Variants in AIG1 observed in about 807,000 individuals in gnomAD.
The protein encoded by AIG1 is androgen induced 1.
Under a neutral mutation model 31.4 loss-of-function variants are expected in AIG1, and 23 were observed. That is an observed-to-expected ratio of 0.73 (90% CI 0.53 to 1.04). The LOEUF is 1.04. Ranked by LOEUF, AIG1 falls within the 50% of genes least tolerant of loss-of-function variation. The pLI is 0.00. For missense variants in AIG1, 274 were observed against 295.0 expected (o/e 0.93, Z 0.52); for synonymous variants, 100 against 110.5 (o/e 0.90, Z 0.60).
rs1165574557 is a variant in AIG1, at chr6:143,120,165, C to T, written c.142-16670C>T. Among the ~76,000 whole-genome samples the T allele has an allele frequency of 2.6e-5, 4 of 152,274 alleles. No individual in the cohort carries two copies. The East Asian group carries it at 7.8e-4, about 30-fold the overall frequency. On this transcript the variant is annotated intron_variant, in intron 1 of 5. Transcript: ENST00000357847. ...GTCAGGCTGATCTCGAACTCCCGAT[C>T]TCAGGTGATCTGCCTGCCTTGGCCT... is the stretch of plus-strand genomic sequence containing the variant.
chr6:143,275,707 C>T (rs746805604), intron 3 of AIG1, among the ~76,000 whole-genome samples: 12 of 152,092 alleles, frequency 7.9e-5, no homozygotes, highest in Non-Finnish European at 1.6e-4. Context: ...GAGATCTTTC[C>T]TTGACATAAC....
At position 143,339,667 on chromosome 6, in the gene AIG1, A is replaced by G; in HGVS notation, c.708A>G (p.Lys236=). The part of the protein sequence containing the change: ...KSMEEEKEKP[K]LE ...TGGAAGAAGAGAAAGAAAAGCCTAAATTGGAATGAGATCCAAGTCTAAACG... is the reference window on the plus strand; with the variant it reads ...TGGAAGAAGAGAAAGAAAAGCCTAAGTTGGAATGAGATCCAAGTCTAAACG... The change falls in exon 6 of 6, where the codon AAA becomes AAG. Residue 236 remains lysine, a synonymous_variant. Coordinates refer to ENST00000357847, the MANE Select transcript of AIG1 (RefSeq NM_016108.4). 6.2e-7 allele frequency: 1 copy of G among 1,613,404 alleles called. No homozygotes were observed. The highest frequency in any genetic ancestry group is 2.2e-5 in the East Asian group (1 of 44,788).
At chr6:143,343,036 G>T (rs1373703646), downstream of AIG1, 1 of 805,974 alleles carries the variant, frequency 1.2e-6, no homozygotes, top group African/African-American at 1.7e-5. Context: ...TGTGTGTAAA[G>T]TTGCCACACG....
chr6:143,146,510 C>T (rs551455695), intron 2 of AIG1, among the ~76,000 whole-genome samples: 5 of 151,896 alleles, frequency 3.3e-5, no homozygotes, highest in Non-Finnish European at 7.4e-5. Context: ...CCCAACACCC[C>T]CATCTTTCTC....
intron 3 of AIG1, among the ~76,000 whole-genome samples, chr6:143,226,538 C>T (rs1792979337): frequency 6.6e-6 from 1 of 152,034 alleles, no homozygotes; most frequent in Non-Finnish European, 1.5e-5. Flanking sequence ...GCCACCACAC[C>T]CGTCCTCTTC....
chr6:143,101,751 A>G (rs893055712), intron 1 of AIG1, among the ~76,000 whole-genome samples: 2 of 152,176 alleles, frequency 1.3e-5, no homozygotes, highest in Non-Finnish European at 2.9e-5. Context: ...ACAAATCACC[A>G]TTAAAGAACT....
chr6:143,276,537 G>A (rs1219428455), intron 3 of AIG1, among the ~76,000 whole-genome samples: 1 of 152,160 alleles, frequency 6.6e-6, no homozygotes, highest in Non-Finnish European at 1.5e-5. Flanking sequence ...AAATGCCCTG[G>A]CAGTTTCTGG....
intron 2 of AIG1, 68 bp downstream of exon 2, chr6:143,137,058 A>G (rs1178525503): frequency 4.0e-5 from 52 of 1,307,422 alleles, no homozygotes; most frequent in Middle Eastern, 4.1e-4. Context: ...TTCTAAGAGA[A>G]AAAAAAAGAG....
chr6:143,076,302 T>A (rs1299100603), intron 1 of AIG1, among the ~76,000 whole-genome samples: 6 of 152,232 alleles, frequency 3.9e-5, no homozygotes, highest in Non-Finnish European at 8.8e-5. Context: ...ATTGACCCTT[T>A]ATCACTATAA....
rs1583650894 is a variant in AIG1 at position 143,259,475 on chromosome 6, G to A, written c.400-24635G>A. Reference sequence around the variant, plus strand: ...GCGGGCTCATCTCTTCTGCCATCTAGCCATTAAACATGGAGTCCTTCAAGG... The same window carrying A: ...GCGGGCTCATCTCTTCTGCCATCTAACCATTAAACATGGAGTCCTTCAAGG... On this transcript the variant is annotated intron_variant, in intron 3 of 5. Transcript: ENST00000357847. 3.3e-5 allele frequency among the ~76,000 whole-genome samples: 5 copies of A among 152,202 alleles called. No homozygotes were observed. The South Asian group carries it at 1.0e-3, about 32-fold the overall frequency.
At chr6:143,272,138 A>C (rs898922605) in intron 3 of AIG1, among the ~76,000 whole-genome samples, 1 of 152,164 alleles carries the variant, frequency 6.6e-6, no homozygotes, top group Non-Finnish European at 1.5e-5. Context: ...TTATACTGAG[A>C]TAGATCTCAG....
chr6:143,232,705 A>G (rs1793528216), intron 3 of AIG1, among the ~76,000 whole-genome samples: 1 of 152,158 alleles, frequency 6.6e-6, no homozygotes, highest in African/African-American at 2.4e-5. Flanking sequence ...CTTTCCCTTT[A>G]TGGCAGAATA....
At chr6:143,102,689 G>A (rs368369659) in intron 1 of AIG1, among the ~76,000 whole-genome samples, 1 of 151,432 alleles carries the variant, frequency 6.6e-6, no homozygotes, top group East Asian at 1.9e-4. Flanking sequence ...GGTTGATATT[G>A]TTTTTTCATC....
chr6:143,069,761 T>A (rs1583057948), intron 1 of AIG1, among the ~76,000 whole-genome samples: 1 of 152,240 alleles, frequency 6.6e-6, no homozygotes, highest in East Asian at 1.9e-4. Flanking sequence ...GTAGTTTATT[T>A]TATCAATAGT....
At chr6:143,217,531 CAG>C (rs1024279780) in intron 3 of AIG1, among the ~76,000 whole-genome samples, 36 of 151,756 alleles carry the variant, frequency 2.4e-4, no homozygotes, top group African/African-American at 8.7e-4. Context: ...TTTTTTGAGA[CAG>C]AGTCTCGCTC....
chr6:143,324,724 A>G (rs758356982), intron 4 of AIG1, among the ~76,000 whole-genome samples: 1 of 152,246 alleles, frequency 6.6e-6, no homozygotes, highest in Non-Finnish European at 1.5e-5. Flanking sequence ...CTCTTATTGC[A>G]TATGAGTCTG....
chr6:143,114,690 CAT>C (rs1445119627), intron 1 of AIG1, among the ~76,000 whole-genome samples: 1 of 152,204 alleles, frequency 6.6e-6, no homozygotes, highest in Non-Finnish European at 1.5e-5. Context: ...ATCAATAGAA[CAT>C]AGTATCATGG....
At position 143,297,621 on chromosome 6, in the gene AIG1, G is replaced by A. The variant is rs1798524545; in HGVS notation, c.515+13396G>A. 6.6e-6 allele frequency among the ~76,000 whole-genome samples: 1 copy of A among 152,094 alleles called. No homozygotes were observed. Among genetic ancestry groups the A allele is most frequent in the African/African-American group, 2.4e-5 (1 of 41,428 alleles). The stretch of plus-strand genomic sequence containing the variant: ...GGGTGATTGGTTGATTGGTAGAGTG[G>A]TTGGCCCATTTCCTGTAACACTGCT... On this transcript the variant is annotated intron_variant, in intron 4 of 5. Transcript: ENST00000357847. This position sits in a 1 kb window ranked among gnomAD's most constrained non-coding sequence, Gnocchi z 5.1.
At chr6:143,276,733 A>G in intron 3 of AIG1, among the ~76,000 whole-genome samples, 1 of 141,732 alleles carries the variant, frequency 7.1e-6, no homozygotes, top group East Asian at 2.5e-4. Flanking sequence ...GAAGGGAGGG[A>G]GGGAGGGTAG....
Sources: gnomAD v4.1 joint callset for allele counts (sites outside exome capture counted in the v4.1 genomes callset) on GRCh38, gnomAD v4.1.1 for gene constraint, Gnocchi (gnomAD v3.1) non-coding constraint, MANE v1.5 for transcripts, NCBI Gene and HGNC (gene_info 2026-07-23, HGNC 2026-07-21) for gene names.